Variants in DNAJC13 observed in about 807,000 individuals in gnomAD.
The protein encoded by DNAJC13 is dnaJ homolog subfamily C member 13.
A neutral mutation model predicts 290.5 loss-of-function variants in DNAJC13; 75 were observed. That is an observed-to-expected ratio of 0.26 (90% CI 0.21 to 0.31). The LOEUF (loss-of-function observed/expected upper bound fraction) is 0.31. Among genes scored for constraint, DNAJC13 ranks in the 10% least tolerant of loss-of-function variants. The probability of loss-of-function intolerance (pLI) is 1.00; values close to 1 mark genes in which losing one functional copy is unlikely to be tolerated. For missense variants in DNAJC13, 2,260 were observed against 2,674.5 expected (o/e 0.85, Z 3.42); for synonymous variants, 862 against 892.0 (o/e 0.97, Z 0.60).
At chr3:132,494,959 T>C in intron 34 of DNAJC13, 129 bp from the exon 35 acceptor site, 2 of 514,978 alleles carry the variant, frequency 3.9e-6, no homozygotes, top group Non-Finnish European at 6.4e-6. Context: ...CTGGGTTTAA[T>C]TTGAAGCCTA....
At chr3:132,452,596 T>C (rs1249057408) in intron 6 of DNAJC13, among the ~76,000 whole-genome samples, 1 of 151,944 alleles carries the variant, frequency 6.6e-6, no homozygotes, top group Non-Finnish European at 1.5e-5. Context: ...GTTCAAAATG[T>C]TCCAAAATCG....
chr3:132,488,121 T>C (rs961788943), intron 29 of DNAJC13, among the ~76,000 whole-genome samples, 177 bp from the exon 30 acceptor site: 6 of 152,236 alleles, frequency 3.9e-5, no homozygotes, highest in Non-Finnish European at 8.8e-5. Context: ...TTAAATGTTG[T>C]AGAATGAATC....
At position 132,522,858 on chromosome 3, in the gene DNAJC13, A is replaced by C; in HGVS notation, c.5704A>C (p.Ser1902Arg). 2 of 1,608,732 alleles carry C rather than the reference A, an allele frequency of 1.2e-6. No homozygotes were observed. The highest frequency in any genetic ancestry group is 1.7e-6 in the Non-Finnish European group (2 of 1,178,616). ...AATTACGTTAATGAAATTTCTACCA[A>C]GCGTTTTCATGGATGCTATGAGAGA... ...VRITLMKFLP[S>R]VFMDAMRDNP... Residue 1902 changes from serine to arginine, a missense_variant, in exon 49 of 56, where the codon AGC (serine) becomes CGC (arginine). By Grantham distance (110) the Ser-to-Arg change is moderately radical. Around this residue, in one of 3 missense-constraint regions of DNAJC13, gnomAD observed 1,494 missense variants for 1,693.7 expected, o/e 0.88. Coordinates refer to ENST00000260818, the MANE Select transcript of DNAJC13 (RefSeq NM_015268.4).
chr3:132,491,911 A>G (rs1443416315), intron 32 of DNAJC13, among the ~76,000 whole-genome samples: 1 of 152,270 alleles, frequency 6.6e-6, no homozygotes, highest in South Asian at 2.1e-4. Context: ...AATATTAATA[A>G]ATTAGCAACA....
At chr3:132,465,210 T>C (rs1933935351) in intron 17 of DNAJC13, among the ~76,000 whole-genome samples, 1 of 152,182 alleles carries the variant, frequency 6.6e-6, no homozygotes, top group Non-Finnish European at 1.5e-5. Context: ...TTCAGTAATG[T>C]AACATATATA....
chr3:132,497,916 A>G (rs1576501229), intron 36 of DNAJC13, among the ~76,000 whole-genome samples: 1 of 152,016 alleles, frequency 6.6e-6, no homozygotes, highest in East Asian at 1.9e-4. Flanking sequence ...TTTAAAAGCC[A>G]GTTTAGAAAT....
intron 54 of DNAJC13, among the ~76,000 whole-genome samples, chr3:132,529,184 A>T (rs1018684826): frequency 6.6e-6 from 1 of 152,148 alleles, no homozygotes; most frequent in East Asian, 1.9e-4. Context: ...TGCGTATTTC[A>T]TATAAATATA....
At chr3:132,431,877 G>C (rs1245114906) in intron 1 of DNAJC13, among the ~76,000 whole-genome samples, 1 of 152,142 alleles carries the variant, frequency 6.6e-6, no homozygotes, top group Non-Finnish European at 1.5e-5. Flanking sequence ...GAGGTATAAT[G>C]GGGGGTGACC....
chr3:132,531,049 A>C lies in DNAJC13; in HGVS notation c.6577A>C (p.Lys2193Gln), dbSNP rs751059203. The change falls in exon 55 of 56, where the codon AAA (lysine) becomes CAA (glutamine). Residue 2193 changes from lysine to glutamine, a missense_variant. Physicochemically the swap from Lys to Gln is moderately conservative, Grantham distance 53. Coordinates refer to ENST00000260818, the MANE Select transcript of DNAJC13 (RefSeq NM_015268.4). ...SSVWSAFKDQ[K>Q]HDLFISESQT... The stretch of plus-strand genomic sequence containing the variant: ...AGTCTGGAGTGCCTTCAAAGATCAG[A>C]AACATGATTTGTTCATTTCTGAGTC... 3 of 1,614,188 alleles carry C rather than the reference A, an allele frequency of 1.9e-6. No individual in the cohort carries two copies. Among genetic ancestry groups the C allele is most frequent in the Non-Finnish European group, 2.5e-6 (3 of 1,180,012 alleles).
At chr3:132,523,780 C>A (rs1464071507) in intron 51 of DNAJC13, 67 bp downstream of exon 51, 4 of 1,458,590 alleles carry the variant, frequency 2.7e-6, no homozygotes, top group South Asian at 1.3e-5. Flanking sequence ...GTTTCTCTTA[C>A]AACCTTATTC....
chr3:132,460,297 T>C lies in DNAJC13; in HGVS notation c.1497T>C (p.Ala499=). 1.2e-6 allele frequency: 2 copies of C among 1,613,182 alleles called. No individual in the cohort carries two copies. Among genetic ancestry groups the C allele is most frequent in the African/African-American group, 2.7e-5 (2 of 74,956 alleles). Residue 499 remains alanine (A), a synonymous_variant, in exon 14 of 56, where the codon GCT becomes GCC. Transcript: ENST00000260818. The part of the protein sequence containing the change: ...YDLRQEQLNK[A]SLLSSKKFLE... ...TAAGACAAGAACAGTTGAACAAAGC[T>C]TCTCTTCTCTCGTCAAAGAAGTTTC...
At chr3:132,488,080 A>AT (rs1934940262) in intron 29 of DNAJC13, among the ~76,000 whole-genome samples, 3 of 152,124 alleles carry the variant, frequency 2.0e-5, no homozygotes, top group African/African-American at 7.2e-5. Context: ...TTCTGAATAC[A>AT]TTTTGATCAA....
intron 26 of DNAJC13, 76 bp from the exon 27 acceptor site, chr3:132,482,150 G>A: frequency 3.3e-6 from 4 of 1,220,572 alleles, no homozygotes; most frequent in Non-Finnish European, 3.5e-6. Flanking sequence ...AAGTACTGCT[G>A]TGCAACTTTG....
intron 39 of DNAJC13, among the ~76,000 whole-genome samples, chr3:132,501,899 A>G (rs1220312868): frequency 1.3e-5 from 2 of 152,250 alleles, no homozygotes; most frequent in Non-Finnish European, 2.9e-5. Flanking sequence ...TGATTACAGA[A>G]TAAAAAACTG....
At chr3:132,471,021 AC>A (rs1934219558) in intron 20 of DNAJC13, among the ~76,000 whole-genome samples, 1 of 111,736 alleles carries the variant, frequency 8.9e-6, no homozygotes, top group Non-Finnish European at 1.9e-5. Context: ...CGGAGGGCTG[AC>A]CCCCCCACCT....
rs1347887889 is a variant in DNAJC13 at position 132,473,235 on chromosome 3, T to G, written c.2291+8T>G. On this transcript the variant is annotated splice_region_variant and intron_variant, in intron 21 of 55. Coordinates refer to ENST00000260818, the MANE Select transcript of DNAJC13 (RefSeq NM_015268.4). Reference sequence around the variant, plus strand: ...GGATCTCTTCTATTATAGGTAAACTTTAGGTCTCTTTTCCAATAAAGATTA... The same window carrying G: ...GGATCTCTTCTATTATAGGTAAACTGTAGGTCTCTTTTCCAATAAAGATTA... 1.9e-6 allele frequency: 3 copies of G among 1,551,554 alleles called. No homozygotes were observed. Among genetic ancestry groups the G allele is most frequent in the Non-Finnish European group, 2.6e-6 (3 of 1,134,730 alleles).
In DNAJC13 at chr3:132,525,734, A is replaced by C. The variant is rs749349758; in HGVS notation, c.6185A>C (p.Asn2062Thr). The C allele has an allele frequency of 1.1e-5, 17 of 1,614,102 alleles. No homozygotes were observed. The highest frequency in any genetic ancestry group is 1.4e-5 in the Non-Finnish European group (17 of 1,180,036). ...PKVIQAMNHR[N>T]NAIPKSAIRV... ...GTTATCCAGGCAATGAATCATAGGA[A>C]CAATGCCATTCCTAAGAGTGCCATT... Residue 2062 changes from asparagine (N) to threonine (T), a missense_variant, in exon 52 of 56, where the codon AAC (asparagine) becomes ACC (threonine). By Grantham distance (65) the Asn-to-Thr change is moderately conservative. Coordinates refer to ENST00000260818, the MANE Select transcript of DNAJC13 (RefSeq NM_015268.4).
rs1404605012 is a variant in DNAJC13 at position 132,418,428 on chromosome 3, CTA to C, written c.-14+670_-14+671del. ...TGGCTGTTAATCACTTGATACTTAACTATGTTTAAGAGTGCCTTCCCTTAAAT... is the reference window on the plus strand; with the variant it reads ...TGGCTGTTAATCACTTGATACTTAACTGTTTAAGAGTGCCTTCCCTTAAAT... On this transcript the variant is annotated intron_variant, in intron 1 of 55. Transcript: ENST00000260818. Among the ~76,000 whole-genome samples, 4 of 152,144 alleles carry C rather than the reference CTA, an allele frequency of 2.6e-5. No homozygotes were observed. The East Asian group carries it at 7.7e-4, about 29-fold the overall frequency.
At chr3:132,485,934 A>G (rs1313455527) in intron 29 of DNAJC13, among the ~76,000 whole-genome samples, 1 of 152,188 alleles carries the variant, frequency 6.6e-6, no homozygotes, top group Non-Finnish European at 1.5e-5. Flanking sequence ...GACTTGTGCC[A>G]TTTGTACCTT....
Sources: gnomAD v4.1 joint callset for allele counts (sites outside exome capture counted in the v4.1 genomes callset) on GRCh38, gnomAD v4.1.1 for gene constraint, gnomAD v4.1.1 regional missense constraint, MANE v1.5 for transcripts, NCBI Gene and HGNC (gene_info 2026-07-23, HGNC 2026-07-21) for gene names.